Variants in SNX13 observed in about 807,000 individuals in gnomAD.
SNX13 encodes the protein sorting nexin-13.
A neutral mutation model predicts 133.6 loss-of-function variants in SNX13; 45 were observed. The observed-to-expected ratio is 0.34, with a 90% CI of 0.27 to 0.43. The LOEUF (loss-of-function observed/expected upper bound fraction) is 0.43. Ranked by LOEUF, SNX13 falls within the 20% of genes least tolerant of loss-of-function variation. The pLI is 1.00. For synonymous variants in SNX13, 414 were observed against 373.9 expected (o/e 1.11, Z -1.24); for missense variants, 1,032 against 1,145.1 (o/e 0.90, Z 1.43).
Position 17,824,612 on chromosome 7 carries a change from AT to A in SNX13, c.1705+1409del, listed in dbSNP as rs541871910. 3.3e-3 allele frequency among the ~76,000 whole-genome samples: 473 copies of A among 145,040 alleles called. 1 individual carries two copies. The highest frequency in any genetic ancestry group is 7.1e-3 in the Middle Eastern group (2 of 280). On this transcript the variant is annotated intron_variant, in intron 17 of 25. Transcript: ENST00000428135. ...GGAACTCACTCAGGTTCACCCAGCT[AT>A]TTTTTTTTTTTAACTAAATCTTAAT...
chr7:17,902,941 T>C (rs1797995084), intron 1 of SNX13, among the ~76,000 whole-genome samples: 1 of 152,210 alleles, frequency 6.6e-6, no homozygotes, highest in Non-Finnish European at 1.5e-5. Context: ...ATCTAACTAA[T>C]GCCTGATGAT....
chr7:17,865,291 T>G (rs1455788903), intron 9 of SNX13, among the ~76,000 whole-genome samples: 3 of 152,016 alleles, frequency 2.0e-5, no homozygotes, highest in Non-Finnish European at 4.4e-5. Flanking sequence ...ATAAACAAAT[T>G]TAGTAAAGCT....
At chr7:17,799,493 C>T (rs1438982687) in intron 22 of SNX13, among the ~76,000 whole-genome samples, 4 of 151,694 alleles carry the variant, frequency 2.6e-5, no homozygotes, top group African/African-American at 9.7e-5. Context: ...ATGCTAGACC[C>T]TTTGTCTATT....
chr7:17,898,734 CAAAT>C (rs1797497547), intron 1 of SNX13: 1 of 152,028 alleles, frequency 6.6e-6, no homozygotes, highest in African/African-American at 2.4e-5. Flanking sequence ...GATTAGATGA[CAAAT>C]AAACAGAAAT....
At chr7:17,861,765 G>T (rs1366738397) in intron 9 of SNX13, among the ~76,000 whole-genome samples, 5 of 152,184 alleles carry the variant, frequency 3.3e-5, no homozygotes, top group Admixed American at 3.3e-4. Flanking sequence ...GAAAAGGGAT[G>T]CAAGATGCCA....
intron 1 of SNX13, among the ~76,000 whole-genome samples, chr7:17,930,511 A>G (rs1044549917): frequency 6.6e-6 from 1 of 152,214 alleles, no homozygotes; most frequent in Non-Finnish European, 1.5e-5. Flanking sequence ...AGTGCCTATT[A>G]TATGATTGAA....
chr7:17,843,012 T>A (rs1486227762), intron 12 of SNX13, among the ~76,000 whole-genome samples: 3 of 152,028 alleles, frequency 2.0e-5, no homozygotes, highest in Non-Finnish European at 2.9e-5. Flanking sequence ...AGAAGTCAGT[T>A]ATGTAGAAAA....
chr7:17,805,870 G>C (rs926638713), intron 20 of SNX13, among the ~76,000 whole-genome samples: 2 of 152,160 alleles, frequency 1.3e-5, no homozygotes, highest in East Asian at 3.9e-4. Flanking sequence ...TATTAGGAGG[G>C]AAGTGGGGTA....
chr7:17,882,710 A>G, intron 5 of SNX13: 1 of 836,890 alleles, frequency 1.2e-6, no homozygotes, highest in Non-Finnish European at 1.5e-6. Context: ...ATGATTGAAA[A>G]GAAATCAAGA....
rs1400762675 is a variant in SNX13, at chr7:17,906,851, A to G, written c.13-9405T>C. Among the ~76,000 whole-genome samples, 2 of 152,080 alleles carry G rather than the reference A, an allele frequency of 1.3e-5. 1 individual carries two copies. The highest frequency in any genetic ancestry group is 4.8e-5 in the African/African-American group (2 of 41,414). Reference sequence around the variant, plus strand: ...GATTTTTCTATAGAATAAATAGGAGACTTCCTGTAAAAATTCTTTAAACTG... The same window carrying G: ...GATTTTTCTATAGAATAAATAGGAGGCTTCCTGTAAAAATTCTTTAAACTG... On this transcript the variant is annotated intron_variant, in intron 1 of 25. Transcript: ENST00000428135.
intron 1 of SNX13, among the ~76,000 whole-genome samples, chr7:17,900,998 T>G (rs1797771613): frequency 6.6e-6 from 1 of 152,080 alleles, no homozygotes; most frequent in African/African-American, 2.4e-5. Context: ...TGCTACTGAT[T>G]ATTCAGGGAC....
At chr7:17,796,789 C>A in intron 25 of SNX13, 38 bp downstream of exon 25, 1 of 1,459,246 alleles carries the variant, frequency 6.9e-7, no homozygotes, top group Non-Finnish European at 9.6e-7. Context: ...AGAAGAATGA[C>A]AAATTATAAA....
intron 1 of SNX13, among the ~76,000 whole-genome samples, chr7:17,929,315 A>T (rs138602646): frequency 1.3e-5 from 2 of 152,258 alleles, no homozygotes; most frequent in African/African-American, 4.8e-5. Context: ...TAACAGGCAG[A>T]AGACCCCACT....
chr7:17,885,772 G>A (rs946580130), intron 5 of SNX13, among the ~76,000 whole-genome samples: 3 of 152,212 alleles, frequency 2.0e-5, no homozygotes, highest in Admixed American at 6.5e-5. Context: ...AAACTGCAGT[G>A]AGCCGAGATC....
chr7:17,920,039 T>A (rs1799958710), intron 1 of SNX13, among the ~76,000 whole-genome samples: 1 of 152,206 alleles, frequency 6.6e-6, no homozygotes. Context: ...CCTTTTGATG[T>A]GGCCTAAATC....
chr7:17,811,486 G>C (rs988578180), intron 20 of SNX13, among the ~76,000 whole-genome samples: 5 of 152,222 alleles, frequency 3.3e-5, no homozygotes, highest in Admixed American at 3.3e-4. Flanking sequence ...TACTGCTCAA[G>C]GAAGTAAGAG....
chr7:17,851,926 T>A (rs563238210), intron 9 of SNX13, among the ~76,000 whole-genome samples: 1 of 151,930 alleles, frequency 6.6e-6, no homozygotes, highest in South Asian at 2.1e-4. Flanking sequence ...TGGATGGGAA[T>A]AATCAAGAGA....
intron 20 of SNX13, among the ~76,000 whole-genome samples, chr7:17,813,288 AC>A (rs1238291786): frequency 6.6e-6 from 1 of 152,228 alleles, no homozygotes; most frequent in Non-Finnish European, 1.5e-5. Flanking sequence ...AGATATATAA[AC>A]ATAAAAAACA....
chr7:17,876,740 C>T (rs1794771063), intron 5 of SNX13, among the ~76,000 whole-genome samples: 1 of 151,878 alleles, frequency 6.6e-6, no homozygotes, highest in South Asian at 2.1e-4. Flanking sequence ...AAGCAACAGA[C>T]CTCAAAAGAT....
Sources: allele counts gnomAD v4.1 joint callset (sites outside exome capture counted in the v4.1 genomes callset), GRCh38; gene constraint gnomAD v4.1.1; transcripts MANE v1.5; gene names NCBI Gene and HGNC (gene_info 2026-07-23, HGNC 2026-07-21).